SGMS1: variants seen among roughly 807,000 people sequenced by gnomAD.
The protein encoded by SGMS1 is sphingomyelin synthase 1, also known as phosphatidylcholine:ceramide cholinephosphotransferase 1.
SGMS1 carries 13 observed loss-of-function variants against 46.2 expected under a neutral mutation model. That is an observed-to-expected ratio of 0.28 (90% CI 0.18 to 0.45). The LOEUF (loss-of-function observed/expected upper bound fraction) is 0.45, where lower values mean the gene tolerates loss of function less well. Ranked by LOEUF, SGMS1 falls within the 20% of genes least tolerant of loss-of-function variation. SGMS1 has a pLI of 1.00. For synonymous variants in SGMS1, 203 were observed against 187.8 expected (o/e 1.08, Z -0.66); for missense variants, 324 against 519.9 (o/e 0.62, Z 3.66).
chr10:50,346,944 G>T (rs1847923131), intron 6 of SGMS1, among the ~76,000 whole-genome samples: 1 of 152,150 alleles, frequency 6.6e-6, no homozygotes, highest in South Asian at 2.1e-4. Flanking sequence ...ACTTTAGAAA[G>T]AATCCCATCT....
At chr10:50,499,842 G>A (rs1056224586) in intron 3 of SGMS1, among the ~76,000 whole-genome samples, 4 of 152,152 alleles carry the variant, frequency 2.6e-5, no homozygotes, top group African/African-American at 4.8e-5. Flanking sequence ...TAAACGTATG[G>A]CTTAGGCTAA....
At chr10:50,604,703 T>C (rs1043953079) in intron 1 of SGMS1, among the ~76,000 whole-genome samples, 1 of 152,088 alleles carries the variant, frequency 6.6e-6, no homozygotes, top group African/African-American at 2.4e-5. Context: ...GTTCCAGAGG[T>C]CACCTATTTA....
At chr10:50,372,990 A>G (rs1416213880) in intron 6 of SGMS1, among the ~76,000 whole-genome samples, 1 of 152,216 alleles carries the variant, frequency 6.6e-6, no homozygotes, top group Non-Finnish European at 1.5e-5. Context: ...GTACAATGAT[A>G]AAATAGTTGA....
intron 3 of SGMS1, among the ~76,000 whole-genome samples, chr10:50,516,296 T>TG (rs1837805739): frequency 6.6e-6 from 1 of 152,222 alleles, no homozygotes; most frequent in Non-Finnish European, 1.5e-5. Flanking sequence ...ATTAAGGGGA[T>TG]GCAGAATGTA....
chr10:50,330,663 T>C (rs541104439), intron 7 of SGMS1, among the ~76,000 whole-genome samples: 1 of 152,318 alleles, frequency 6.6e-6, no homozygotes, highest in Non-Finnish European at 1.5e-5. Flanking sequence ...TGGAAGCTAT[T>C]AGCTTTTAGA....
At chr10:50,387,905 T>C (rs1005012115) in intron 6 of SGMS1, among the ~76,000 whole-genome samples, 1 of 152,174 alleles carries the variant, frequency 6.6e-6, no homozygotes, top group African/African-American at 2.4e-5. Flanking sequence ...TTGCCTTATT[T>C]GAATACAGTT....
intron 6 of SGMS1, among the ~76,000 whole-genome samples, chr10:50,430,785 T>A (rs1355059650): frequency 6.6e-6 from 1 of 152,172 alleles, no homozygotes; most frequent in African/African-American, 2.4e-5. Flanking sequence ...AATTATAGTT[T>A]TCTCTTTTCA....
At chr10:50,581,867 T>A (rs1019844463) in intron 2 of SGMS1, among the ~76,000 whole-genome samples, 4 of 152,278 alleles carry the variant, frequency 2.6e-5, no homozygotes. Flanking sequence ...ACAGGTGAAG[T>A]TCTTGAAGAC....
intron 6 of SGMS1, among the ~76,000 whole-genome samples, chr10:50,398,738 A>G (rs962794521): frequency 2.0e-5 from 3 of 152,154 alleles, no homozygotes; most frequent in East Asian, 1.9e-4. Context: ...GTAATATGGC[A>G]AGTATTACCA....
At chr10:50,357,177 A>G (rs1848168311) in intron 6 of SGMS1, among the ~76,000 whole-genome samples, 1 of 152,166 alleles carries the variant, frequency 6.6e-6, no homozygotes, top group Non-Finnish European at 1.5e-5. Context: ...AATGTGCTAA[A>G]TTCAATTTGG....
intron 6 of SGMS1, among the ~76,000 whole-genome samples, chr10:50,369,462 C>T (rs1173584434): frequency 2.0e-5 from 3 of 151,986 alleles, no homozygotes; most frequent in Non-Finnish European, 4.4e-5. Flanking sequence ...TGTGCCACTG[C>T]ACTCTATTCT....
At chr10:50,327,110 T>C (rs1202162431) in intron 8 of SGMS1, 95 bp downstream of exon 8, 1 of 722,584 alleles carries the variant, frequency 1.4e-6, no homozygotes, top group Non-Finnish European at 2.5e-6. Flanking sequence ...CTCCACTGTA[T>C]TCTGAAGAAA....
chr10:50,572,494 G>A (rs1838345007), intron 2 of SGMS1, among the ~76,000 whole-genome samples: 1 of 152,106 alleles, frequency 6.6e-6, no homozygotes, highest in African/African-American at 2.4e-5. Flanking sequence ...GTTATGGGAG[G>A]GGAGGTAGGA....
intron 3 of SGMS1, among the ~76,000 whole-genome samples, chr10:50,506,422 T>G (rs1588857372): frequency 6.6e-6 from 1 of 152,270 alleles, no homozygotes; most frequent in Admixed American, 6.5e-5. Flanking sequence ...AAATTTACAG[T>G]TGCATTTTTC....
chr10:50,363,269 T>G (rs547936248), intron 6 of SGMS1, among the ~76,000 whole-genome samples: 1 of 151,962 alleles, frequency 6.6e-6, no homozygotes, highest in Non-Finnish European at 1.5e-5. Flanking sequence ...ATTTCGGAAG[T>G]TGGGAAGCAC....
At chr10:50,522,392 C>T (rs1837864245) in intron 2 of SGMS1, among the ~76,000 whole-genome samples, 1 of 152,116 alleles carries the variant, frequency 6.6e-6, no homozygotes, top group South Asian at 2.1e-4. Context: ...CCTGTCAATT[C>T]TCCAAAAAGC....
At chr10:50,341,782 C>T (rs1482272859) in intron 7 of SGMS1, among the ~76,000 whole-genome samples, 1 of 151,838 alleles carries the variant, frequency 6.6e-6, no homozygotes, top group Non-Finnish European at 1.5e-5. Context: ...TCAATAAGTA[C>T]CAGGAAAACG....
At chr10:50,339,048 T>C (rs1328405637) in intron 7 of SGMS1, among the ~76,000 whole-genome samples, 1 of 152,192 alleles carries the variant, frequency 6.6e-6, no homozygotes, top group East Asian at 1.9e-4. Context: ...TGCAGTGGCA[T>C]CTCAACCAGG....
chr10:50,612,386 T>C (rs1838758102), intron 1 of SGMS1, among the ~76,000 whole-genome samples: 1 of 152,208 alleles, frequency 6.6e-6, no homozygotes, highest in Non-Finnish European at 1.5e-5. Flanking sequence ...GCTATTTCTA[T>C]AAAGTGGTCT....
Sources: gnomAD v4.1 joint callset for allele counts (sites outside exome capture counted in the v4.1 genomes callset) on GRCh38, gnomAD v4.1.1 for gene constraint, MANE v1.5 for transcripts, NCBI Gene and HGNC (gene_info 2026-07-23, HGNC 2026-07-21) for gene names.